MSLN: variants seen among roughly 807,000 people sequenced by gnomAD.
MSLN encodes mesothelin, also known as CAK1 antigen.
MSLN carries 82 observed loss-of-function variants against 72.6 expected under a neutral mutation model. The ratio of observed to expected loss-of-function variants is 1.13; its 90% CI spans 0.94 to 1.36. The LOEUF is 1.36. Ranked by LOEUF, MSLN falls within the 40% of genes most tolerant of loss-of-function variation. The probability of loss-of-function intolerance (pLI) is 0.00; values close to 1 mark genes in which losing one functional copy is unlikely to be tolerated. For synonymous variants in MSLN, 456 were observed against 387.3 expected (o/e 1.18, Z -2.08); for missense variants, 1,005 against 847.9 (o/e 1.19, Z -2.30).
rs1351242841 is a variant in MSLN, at chr16:768,573, G to A, written c.1783+8G>A. On this transcript the variant is annotated splice_region_variant and intron_variant, in intron 17 of 17. Coordinates refer to ENST00000545450, the MANE Select transcript of MSLN (RefSeq NM_005823.6). The stretch of plus-strand genomic sequence containing the variant: ...TAGACCTCAGCATGCAAGGTGGGCG[G>A]GGCGGCCAGGCCAGGGCTGGGGGCA... 1 of 1,607,814 alleles carries A rather than the reference G, an allele frequency of 6.2e-7. No individual in the cohort carries two copies. Among genetic ancestry groups the A allele is most frequent in the Non-Finnish European group, 8.5e-7 (1 of 1,177,466 alleles).
rs1361397076 is a variant in MSLN at position 765,208 on chromosome 16, G to A, written c.609G>A (p.Val203=). Residue 203 remains valine (V), a synonymous_variant, in exon 9 of 18, where the codon GTG becomes GTA. Coordinates refer to ENST00000545450, the MANE Select transcript of MSLN (RefSeq NM_005823.6). ...GCTTTGTGGCCGAGTCGGCCGAAGT[G>A]CTGCTACCCCGGCTGGTGAGCTGCC... ...PGRFVAESAE[V]LLPRLVSCPG... 3.8e-6 allele frequency: 6 copies of A among 1,590,654 alleles called. No homozygotes were observed. The highest frequency in any genetic ancestry group is 2.2e-5 in the South Asian group (2 of 89,224).
At chr16:765,857 T>C (rs2041600740) in intron 11 of MSLN, 67 bp downstream of exon 11, 1 of 1,483,692 alleles carries the variant, frequency 6.7e-7, no homozygotes, top group Non-Finnish European at 9.1e-7. Context: ...GGCATCACTT[T>C]AGGGTCTCAC....
At position 768,077 on chromosome 16, in the gene MSLN, G is replaced by T. The variant is rs866750816; in HGVS notation, c.1597-302G>T. Among the ~76,000 whole-genome samples the T allele has an allele frequency of 7.5e-3, 842 of 112,118 alleles. 19 individuals are homozygous for T. Among genetic ancestry groups the T allele is most frequent in the African/African-American group, 0.028 (804 of 28,246 alleles). The allele number at this position is 112,118 out of a possible 152,430, so 73.6% of individuals were successfully genotyped here. A position where few individuals can be genotyped will look rare whatever the true frequency, so the allele number is the denominator to read the frequency against. On this transcript the variant is annotated intron_variant, in intron 16 of 17. Coordinates refer to ENST00000545450, the MANE Select transcript of MSLN (RefSeq NM_005823.6). ...TGGAGGAGGGGCACATGGAGGGGGG[G>T]GCAAGTGGAGAAGCCCTGGTGGAGG...
chr16:763,221 C>T lies in MSLN; in HGVS notation c.86-12C>T, dbSNP rs753998964. On this transcript the variant is annotated splice_polypyrimidine_tract_variant and intron_variant, in intron 3 of 17. Coordinates refer to ENST00000545450, the MANE Select transcript of MSLN (RefSeq NM_005823.6). ...CGCCCCCTCCCCCAAGCTGTCCCCT[C>T]TGCCCCTTTAGGATGGGTGCAGCCC... 3.3e-6 allele frequency: 5 copies of T among 1,536,464 alleles called. No individual in the cohort carries two copies. In the African/African-American group the frequency reaches 6.9e-5, roughly 21 times the overall value.
At chr16:761,201 T>C (rs1442813289) in intron 2 of MSLN, 27 bp downstream of exon 2, 1 of 152,280 alleles carries the variant, frequency 6.6e-6, no homozygotes, top group Non-Finnish European at 1.5e-5. Context: ...GAGCTCTTCC[T>C]GTTGTGGTGT....
intron 13 of MSLN, 84 bp downstream of exon 13, chr16:766,574 G>T: frequency 6.2e-7 from 1 of 1,608,186 alleles, no homozygotes; most frequent in South Asian, 1.1e-5. Flanking sequence ...GAGGTTGGGC[G>T]GGCCTGGGGT....
At chr16:767,224 C>A in intron 15 of MSLN, 152 bp from the exon 16 acceptor site, 1 of 1,083,208 alleles carries the variant, frequency 9.2e-7, no homozygotes, top group Non-Finnish European at 1.4e-6. Context: ...GTCTCCCACG[C>A]CTGGGGGTCA....
Position 766,224 on chromosome 16 carries a change from A to T in MSLN, c.1061A>T (p.His354Leu). Residue 354 changes from histidine to leucine, a missense_variant, in exon 12 of 18, where the codon CAT (histidine) becomes CTT (leucine). Transcript: ENST00000545450. ...TACGAGCAGCTGGACGTCCTAAAGC[A>T]TAAACTGGATGAGGTAGTTCATGAC... ...FTYEQLDVLK[H>L]KLDELYPQGY... 1 of 1,610,662 alleles carries T rather than the reference A, an allele frequency of 6.2e-7. No homozygotes were observed. The highest frequency in any genetic ancestry group is 1.1e-5 in the South Asian group (1 of 91,046).
rs751599491 is a variant in MSLN at position 762,718 on chromosome 16, G to A, written c.38G>A (p.Cys13Tyr). The A allele has an allele frequency of 3.1e-6, 5 of 1,608,316 alleles. No homozygotes were observed. The highest frequency in any genetic ancestry group is 4.2e-6 in the Non-Finnish European group (5 of 1,178,216). The change falls in exon 3 of 18, where the codon TGT becomes TAT. Residue 13 changes from cysteine (C) to tyrosine (Y), a missense_variant. Transcript: ENST00000545450. ...ACGGCTCGACCCCTGTTGGGGTCCT[G>A]TGGGACCCCCGCCCTCGGCAGCCTC... is the stretch of plus-strand genomic sequence containing the variant. ...LPTARPLLGS[C>Y]GTPALGSLLF... is the part of the protein sequence containing the mutation.
chr16:766,846 C>T (rs200999682), intron 14 of MSLN, 36 bp downstream of exon 14: 295 of 1,612,266 alleles, frequency 1.8e-4, no homozygotes, highest in African/African-American at 2.9e-4. Context: ...AAGGTGGGTC[C>T]GTGTGCTGGC....
intron 3 of MSLN, 54 bp from the exon 4 acceptor site, chr16:763,179 G>A: frequency 7.9e-7 from 1 of 1,265,888 alleles, no homozygotes; most frequent in Non-Finnish European, 1.1e-6. Flanking sequence ...CCTGGGTCAG[G>A]GCACAGCCCA....
chr16:762,923 G>A (rs2041554765), intron 3 of MSLN, among the ~76,000 whole-genome samples, 158 bp downstream of exon 3: 1 of 152,228 alleles, frequency 6.6e-6, no homozygotes, highest in Admixed American at 6.5e-5. Context: ...GACTGGAGCT[G>A]GAGATCCAGC....
chr16:763,576 G>A (rs887649433), intron 4 of MSLN, 66 bp from the exon 5 acceptor site: 20 of 1,473,294 alleles, frequency 1.4e-5, no homozygotes, highest in African/African-American at 8.4e-5. Context: ...CAGGGGTAGC[G>A]GGACCTGGGA....
intron 16 of MSLN, 23 bp from the exon 17 acceptor site, chr16:768,336 GGGAAGGAGACCCTCCTTGAT>G: frequency 2.7e-6 from 4 of 1,492,938 alleles, no homozygotes; most frequent in Non-Finnish European, 3.6e-6. Flanking sequence ...GCGGCGCTGA[GGGAAGGAGACCCTCCTTGAT>G]GGCTGCCCGG....
intron 3 of MSLN, among the ~76,000 whole-genome samples, chr16:762,975 G>A (rs1901117179): frequency 6.6e-6 from 1 of 152,230 alleles, no homozygotes; most frequent in Non-Finnish European, 1.5e-5. Flanking sequence ...GATGTCTGTG[G>A]GATGGGTGGT....
rs200871174 is a variant in MSLN at position 768,475 on chromosome 16, C to T, written c.1693C>T (p.Arg565Trp). 1,005 of 1,569,650 alleles carry T rather than the reference C, an allele frequency of 6.4e-4. 6 individuals are homozygous for T. Among genetic ancestry groups the T allele is most frequent in the South Asian group, 3.7e-3 (316 of 84,428 alleles). ...RHRPVRDWIL[R>W]QRQDDLDTLG... ...CCGCCCGGTGCGGGACTGGATCCTA[C>T]GGCAGCGGCAGGACGACCTGGACAC... Residue 565 changes from arginine to tryptophan, a missense_variant, in exon 17 of 18, where the codon CGG becomes TGG. Physicochemically the swap from Arg to Trp is moderately radical, Grantham distance 101 (BLOSUM62 -3). Coordinates refer to ENST00000545450, the MANE Select transcript of MSLN (RefSeq NM_005823.6).
At position 766,202 on chromosome 16, in the gene MSLN, G is replaced by A. The variant is rs202097448; in HGVS notation, c.1039G>A (p.Glu347Lys). 249 of 1,612,002 alleles carry A rather than the reference G, an allele frequency of 1.5e-4. 3 individuals carry two copies. The East Asian group carries it at 3.4e-3, about 22-fold the overall frequency. The change falls in exon 12 of 18, where the codon GAG becomes AAG. Residue 347 changes from glutamate to lysine, a missense_variant. By Grantham distance (56) the Glu-to-Lys change is moderately conservative. Coordinates refer to ENST00000545450, the MANE Select transcript of MSLN (RefSeq NM_005823.6). ...DRVNAIPFTYEQLDVLKHKLD... is the reference protein window; with the variant it reads ...DRVNAIPFTYKQLDVLKHKLD... Reference sequence around the variant, plus strand: ...CGTGAACGCCATCCCCTTCACCTACGAGCAGCTGGACGTCCTAAAGCATAA... The same window carrying A: ...CGTGAACGCCATCCCCTTCACCTACAAGCAGCTGGACGTCCTAAAGCATAA...
chr16:762,203 G>A (rs1015068911), intron 2 of MSLN, among the ~76,000 whole-genome samples: 2 of 152,228 alleles, frequency 1.3e-5, no homozygotes, highest in Non-Finnish European at 2.9e-5. Context: ...CCTCAAGGGT[G>A]TTGTCTGCCT....
chr16:764,229 C>A (rs1006551916), intron 6 of MSLN, 86 bp downstream of exon 6: 1 of 1,499,246 alleles, frequency 6.7e-7, no homozygotes, highest in South Asian at 1.3e-5. Context: ...CTTGCCACCA[C>A]GGTCCCCTCT....
Sources: gnomAD v4.1 joint callset for allele counts (sites outside exome capture counted in the v4.1 genomes callset) on GRCh38, gnomAD v4.1.1 for gene constraint, MANE v1.5 for transcripts, NCBI Gene and HGNC (gene_info 2026-07-23, HGNC 2026-07-21) for gene names.